MOCS1: variants seen among roughly 807,000 people sequenced by gnomAD.
MOCS1 encodes molybdenum cofactor biosynthesis protein 1.
MOCS1 carries 39 observed loss-of-function variants against 57.6 expected under a neutral mutation model. The observed-to-expected ratio is 0.68, with a 90% CI of 0.52 to 0.88. MOCS1 has a LOEUF of 0.88. Among genes scored for constraint, MOCS1 ranks in the 40% least tolerant of loss-of-function variants. The probability of loss-of-function intolerance (pLI) is 0.00; values close to 1 mark genes in which losing one functional copy is unlikely to be tolerated. For synonymous variants in MOCS1, 334 were observed against 335.7 expected (o/e 1.00, Z 0.05); for missense variants, 795 against 831.1 (o/e 0.96, Z 0.53).
chr6:39,912,215 T>A (rs1373501483), intron 8 of MOCS1, 49 bp downstream of exon 8: 1 of 1,376,928 alleles, frequency 7.3e-7, no homozygotes, highest in African/African-American at 1.4e-5. Context: ...GGAGGAGACA[T>A]GAGAACACAG....
At position 39,904,180 on chromosome 6, in the gene MOCS1, A is replaced by G. The variant is rs79447033; in HGVS notation, c.*2177T>C. ...GGACTATGGAAGCTGTTCAAGATAC[A>G]TTTGATCTTCAGAAAAGCAGAATTT... On this transcript the variant is annotated 3_prime_UTR_variant, in exon 11 of 11. Coordinates refer to ENST00000340692, the MANE Select transcript of MOCS1 (RefSeq NM_001358530.2). 5.0e-4 allele frequency: 229 copies of G among 456,700 alleles called. 1 individual carries two copies. The highest frequency in any genetic ancestry group is 4.3e-3 in the African/African-American group (218 of 50,190). The allele number at this position is 456,700 out of a possible 1,614,324, so 28.3% of individuals were successfully genotyped here. A position where few individuals can be genotyped will look rare whatever the true frequency, so the allele number is the denominator to read the frequency against.
At chr6:39,919,066 G>A (rs560973397) in intron 3 of MOCS1, among the ~76,000 whole-genome samples, 1 of 152,312 alleles carries the variant, frequency 6.6e-6, no homozygotes, top group Admixed American at 6.5e-5. Context: ...AAGAATGCGA[G>A]TAGATAAAGG....
At chr6:39,923,243 A>C (rs1447197956) in intron 3 of MOCS1, among the ~76,000 whole-genome samples, 1 of 152,228 alleles carries the variant, frequency 6.6e-6, no homozygotes, top group Non-Finnish European at 1.5e-5. Flanking sequence ...GCCAGGGCCA[A>C]TAACCACAGA....
intron 4 of MOCS1, among the ~76,000 whole-genome samples, chr6:39,915,411 AC>A (rs1392555127): frequency 1.4e-4 from 22 of 151,918 alleles, no homozygotes; most frequent in African/African-American, 5.3e-4. Flanking sequence ...TCAGTCATGT[AC>A]CCCCTCCCAA....
At chr6:39,914,577 T>C (rs1767544402) in intron 4 of MOCS1, among the ~76,000 whole-genome samples, 1 of 152,152 alleles carries the variant, frequency 6.6e-6, no homozygotes, top group Non-Finnish European at 1.5e-5. Context: ...AATCACTTGA[T>C]CACCTACTGC....
intron 3 of MOCS1, among the ~76,000 whole-genome samples, chr6:39,923,315 G>A (rs954231872): frequency 6.6e-5 from 10 of 152,192 alleles, no homozygotes; most frequent in Admixed American, 5.2e-4. Context: ...TGAGGCCCTC[G>A]GTGGGGAAGG....
At position 39,913,744 on chromosome 6, in the gene MOCS1, C is replaced by CG. The variant is rs763290015; in HGVS notation, c.645+29dup. On this transcript the variant is annotated intron_variant, in intron 5 of 10. Coordinates refer to ENST00000340692, the MANE Select transcript of MOCS1 (RefSeq NM_001358530.2). ...AGGCCAGGGCAGTGTGGAGGGAAGT[C>CG]GGGAATCTACGGCAGGGGCACGGCC... The CG allele has an allele frequency of 1.9e-6, 3 of 1,612,822 alleles. No individual in the cohort carries two copies. In the East Asian group the frequency reaches 6.7e-5, roughly 36 times the overall value.
intron 3 of MOCS1, among the ~76,000 whole-genome samples, chr6:39,919,291 C>A (rs1262511533): frequency 4.6e-5 from 7 of 152,108 alleles, no homozygotes; most frequent in Admixed American, 2.0e-4. Context: ...TCAAGACCAG[C>A]CTGCCCAACG....
chr6:39,927,363 C>A lies in MOCS1; in HGVS notation c.216G>T (p.Leu72=), dbSNP rs1166882020. The A allele has an allele frequency of 6.2e-7, 1 of 1,612,294 alleles. No homozygotes were observed. Among genetic ancestry groups the A allele is most frequent in the Non-Finnish European group, 8.5e-7 (1 of 1,179,680 alleles). ...TDSFGRQHSY[L]RISLTEKCNL... ...TGCACTTCTCTGTGAGGGAGATCCG[C>A]AGGTAGCTGTGCTGCCGGCCGAAGC... The change falls in exon 2 of 11, where the codon CTG becomes CTT. Residue 72 remains leucine, a synonymous_variant. Coordinates refer to ENST00000340692, the MANE Select transcript of MOCS1 (RefSeq NM_001358530.2).
rs559011625 is a variant in MOCS1, at chr6:39,913,597, G to A, written c.646-169C>T. On this transcript the variant is annotated intron_variant, in intron 5 of 10. Coordinates refer to ENST00000340692, the MANE Select transcript of MOCS1 (RefSeq NM_001358530.2). ...ATTCCTTGGGGTCACTGATTTTCTC[G>A]TTTCTCTCAAGGGTCGGCAGGGCTG... The A allele has an allele frequency of 4.2e-5, 41 of 975,586 alleles. No individual in the cohort carries two copies. The Middle Eastern group carries it at 8.7e-4, about 21-fold the overall frequency. 60.4% of individuals were successfully genotyped at this position (975,586 alleles called of 1,614,324 possible).
In MOCS1 at chr6:39,906,698, G is replaced by C. The variant is rs145526940; in HGVS notation, c.1570C>G (p.Gln524Glu). Residue 524 changes from glutamine (Q) to glutamate (E), a missense_variant, in exon 11 of 11, where the codon CAG (glutamine) becomes GAG (glutamate). Gln to Glu is a conservative substitution (Grantham distance 29). This residue lies in a region of MOCS1 where 374 missense variants were observed against 422.6 expected (regional missense o/e 0.89). Coordinates refer to ENST00000340692, the MANE Select transcript of MOCS1 (RefSeq NM_001358530.2). Reference sequence around the variant, plus strand: ...GCATCTCCTTTCTTGAGCTGGTTCTGCTGGACAAGCTTGAAGGCTACCGGT... The same window carrying C: ...GCATCTCCTTTCTTGAGCTGGTTCTCCTGGACAAGCTTGAAGGCTACCGGT... ...LGPVAFKLVQ[Q>E]NQLKKGDALV... 6.2e-7 allele frequency: 1 copy of C among 1,614,188 alleles called. No homozygotes were observed. Among genetic ancestry groups the C allele is most frequent in the Admixed American group, 1.7e-5 (1 of 60,032 alleles).
intron 8 of MOCS1, 37 bp downstream of exon 8, chr6:39,912,227 G>A (rs780211789): frequency 6.8e-7 from 1 of 1,461,932 alleles, no homozygotes; most frequent in Non-Finnish European, 9.6e-7. Context: ...AGAACACAGA[G>A]GTGGCAAGGG....
chr6:39,924,160 C>T (rs1201779949), intron 3 of MOCS1, among the ~76,000 whole-genome samples: 20 of 152,232 alleles, frequency 1.3e-4, no homozygotes, highest in Admixed American at 1.3e-3. Flanking sequence ...CTGGGCATTT[C>T]ATTCTCATTC....
chr6:39,925,534 T>C (rs888743210), intron 3 of MOCS1, 144 bp downstream of exon 3: 14 of 988,212 alleles, frequency 1.4e-5, no homozygotes, highest in African/African-American at 3.2e-5. Flanking sequence ...GAAATAATAA[T>C]AGCACCTGTC....
chr6:39,906,800 G>A lies in MOCS1; in HGVS notation c.1468C>T (p.Arg490Trp), dbSNP rs201889779. The A allele has an allele frequency of 4.6e-5, 75 of 1,614,080 alleles. No individual in the cohort carries two copies. The highest frequency in any genetic ancestry group is 1.6e-4 in the Middle Eastern group (1 of 6,084). ...CTGCCCACATCTACCATAGCTGCCCGTCCTTCCGAGTCCACATGAGTTAGT... is the reference window on the plus strand; with the variant it reads ...CTGCCCACATCTACCATAGCTGCCCATCCTTCCGAGTCCACATGAGTTAGT... Reference protein sequence around the residue: ...EQLTHVDSEGRAAMVDVGRKP... With the variant: ...EQLTHVDSEGWAAMVDVGRKP... Residue 490 changes from arginine (R) to tryptophan (W), a missense_variant, in exon 11 of 11, where the codon CGG becomes TGG. By Grantham distance (101) the Arg-to-Trp change is moderately radical. Transcript: ENST00000340692.
chr6:39,929,769 C>T lies in MOCS1; in HGVS notation c.124-2314G>A, dbSNP rs192681380. On this transcript the variant is annotated intron_variant, in intron 1 of 10. Transcript: ENST00000340692. ...TAGCCTGGGCAACATGGCAAAACCC[C>T]GTCTCTACTAAAAAATACAAAAGTT... Among the ~76,000 whole-genome samples, 16 of 151,696 alleles carry T rather than the reference C, an allele frequency of 1.1e-4. No homozygotes were observed. In the East Asian group the frequency reaches 1.6e-3, roughly 15 times the overall value.
At chr6:39,926,174 C>T (rs1768285288) in intron 2 of MOCS1, among the ~76,000 whole-genome samples, 1 of 152,184 alleles carries the variant, frequency 6.6e-6, no homozygotes, top group African/African-American at 2.4e-5. Flanking sequence ...GCTGAGGGCA[C>T]CTGGGCAGGG....
At chr6:39,925,241 G>C (rs1481145340) in intron 3 of MOCS1, among the ~76,000 whole-genome samples, 1 of 152,202 alleles carries the variant, frequency 6.6e-6, no homozygotes, top group African/African-American at 2.4e-5. Context: ...AGGCCTTGCT[G>C]AGAAGATGAC....
chr6:39,924,745 A>G (rs1010963051), intron 3 of MOCS1, among the ~76,000 whole-genome samples: 1 of 152,236 alleles, frequency 6.6e-6, no homozygotes, highest in Non-Finnish European at 1.5e-5. Flanking sequence ...CGTGTGGTAG[A>G]AAATGTTATT....
Sources: allele counts gnomAD v4.1 joint callset (sites outside exome capture counted in the v4.1 genomes callset), GRCh38; gene constraint gnomAD v4.1.1; regional missense constraint gnomAD v4.1.1; transcripts MANE v1.5; gene names NCBI Gene and HGNC (gene_info 2026-07-23, HGNC 2026-07-21).